The following KDM5B variants were observed in gnomAD, a reference collection of about 807,000 sequenced individuals.
The protein encoded by KDM5B is lysine-specific demethylase 5B.
Under a neutral mutation model 193.4 loss-of-function variants are expected in KDM5B, and 144 were observed. The ratio of observed to expected loss-of-function variants is 0.74; its 90% confidence interval spans 0.65 to 0.86. The LOEUF is 0.86. KDM5B is among the 40% of genes least tolerant of loss of function. The pLI is 0.00. For missense variants in KDM5B, 1,833 were observed against 1,886.9 expected (o/e 0.97, Z 0.53); for synonymous variants, 668 against 682.6 (o/e 0.98, Z 0.33).
rs540493371 is a variant in KDM5B at position 202,781,123 on chromosome 1, C to CTCTA, written c.205-4033_205-4030dup. On this transcript the variant is annotated intron_variant, in intron 1 of 26. Transcript: ENST00000367265. ...TTGAAGCTAGCAGTTTGAGACCAGT[C>CTCTA]TCTATCCGTCTCTACCAAAAAATGT... Among the ~76,000 whole-genome samples, 32 of 152,234 alleles carry CTCTA rather than the reference C, an allele frequency of 2.1e-4. No homozygotes were observed. In the East Asian group the frequency reaches 6.0e-3, roughly 29 times the overall value.
rs1435791020 is a variant in KDM5B, at chr1:202,747,541, G to C, written c.2017-1218C>G. On this transcript the variant is annotated intron_variant, in intron 14 of 26. Transcript: ENST00000367265. ...TGGGCTGCAGAGAGCCAATATTCCA[G>C]GATTCTACCCAAAAAGGCACATATT... 3.4e-5 allele frequency among the ~76,000 whole-genome samples: 5 copies of C among 146,212 alleles called. No individual in the cohort carries two copies. The East Asian group carries it at 6.0e-4, about 18-fold the overall frequency.
chr1:202,798,220 G>A (rs564143296), intron 1 of KDM5B, among the ~76,000 whole-genome samples: 110 of 151,654 alleles, frequency 7.3e-4, no homozygotes, highest in African/African-American at 2.6e-3. Flanking sequence ...AAGATTCAGG[G>A]ACAGAAAAGC....
intron 2 of KDM5B, among the ~76,000 whole-genome samples, chr1:202,775,885 TA>T (rs1656934621): frequency 2.0e-5 from 2 of 98,200 alleles, no homozygotes; most frequent in African/African-American, 4.0e-5. Context: ...AAAAAATATA[TA>T]TATATATATA....
intron 4 of KDM5B, among the ~76,000 whole-genome samples, chr1:202,768,686 A>G (rs573298228): frequency 6.6e-6 from 1 of 150,540 alleles, no homozygotes; most frequent in Admixed American, 6.6e-5. Flanking sequence ...TTAAACCTAC[A>G]TATTGATTTG....
chr1:202,759,754 C>T (rs749675385), intron 8 of KDM5B, among the ~76,000 whole-genome samples: 7 of 152,080 alleles, frequency 4.6e-5, no homozygotes, highest in Non-Finnish European at 1.0e-4. Context: ...GATGAATATA[C>T]ACCAAGACAT....
intron 1 of KDM5B, among the ~76,000 whole-genome samples, chr1:202,799,711 TAC>T (rs1558521527): frequency 6.6e-6 from 1 of 151,646 alleles, no homozygotes; most frequent in Non-Finnish European, 1.5e-5. Flanking sequence ...AATAAAAATA[TAC>T]ATACACACAG....
At chr1:202,748,637 G>A (rs1368329499) in intron 14 of KDM5B, among the ~76,000 whole-genome samples, 3 of 152,190 alleles carry the variant, frequency 2.0e-5, no homozygotes, top group Non-Finnish European at 4.4e-5. Flanking sequence ...GGGAGGTTGA[G>A]TTGGGTGGAT....
intron 18 of KDM5B, 45 bp from the exon 19 acceptor site, chr1:202,741,767 G>A (rs764020210): frequency 1.8e-6 from 2 of 1,101,798 alleles, no homozygotes; most frequent in East Asian, 2.4e-5. Flanking sequence ...AGTAATTTCA[G>A]TAATTGGCTT....
rs374062661 is a variant in KDM5B at position 202,777,071 on chromosome 1, A to G, written c.228T>C (p.Cys76=). ...PPPDWQPPFA[C]DVDKLHFTPR... ...GCGTAAAATGAAGTTTATCAACATC[A>G]CATGCAAATGGTGGCTGCCAATCCT... Residue 76 remains cysteine, a synonymous_variant, in exon 2 of 27, where the codon TGT becomes TGC. Transcript: ENST00000367265. 3 of 1,613,562 alleles carry G rather than the reference A, an allele frequency of 1.9e-6. No individual in the cohort carries two copies. Among genetic ancestry groups the G allele is most frequent in the African/African-American group, 2.7e-5 (2 of 75,040 alleles).
In KDM5B at chr1:202,757,211, C is replaced by T. The variant is rs186761520; in HGVS notation, c.1198-695G>A. Among the ~76,000 whole-genome samples, 203 of 152,250 alleles carry T rather than the reference C, an allele frequency of 1.3e-3. 2 individuals carry two copies. Among genetic ancestry groups the T allele is most frequent in the African/African-American group, 3.9e-3 (160 of 41,548 alleles). ...TAATGCAGCCACTGATCTGACAGGA[C>T]GCAGAGCTCGGGTGTAATGTTTGCC... On this transcript the variant is annotated intron_variant, in intron 9 of 26. Coordinates refer to ENST00000367265, the MANE Select transcript of KDM5B (RefSeq NM_006618.5).
rs575557125 is a variant in KDM5B at position 202,808,355 on chromosome 1, C to A, written c.-50G>T. 3.5e-5 allele frequency: 52 copies of A among 1,480,724 alleles called. 1 individual carries two copies. In the South Asian group the frequency reaches 6.6e-4, roughly 19 times the overall value. 91.7% of individuals were successfully genotyped at this position (1,480,724 alleles called of 1,614,324 possible). A position where few individuals can be genotyped will look rare whatever the true frequency, so the allele number is the denominator to read the frequency against. On this transcript the variant is annotated 5_prime_UTR_variant, in exon 1 of 27. Transcript: ENST00000367265. ...GCGAAGGTGGGCTCCGGGACCGAGG[C>A]TGCGAGCTCCGCTCGGTCCGAGACC...
At chr1:202,792,612 C>T (rs530010233) in intron 1 of KDM5B, among the ~76,000 whole-genome samples, 1 of 152,176 alleles carries the variant, frequency 6.6e-6, no homozygotes, top group Middle Eastern at 3.4e-3. Context: ...CTAAATGGTA[C>T]TTTGATAACT....
intron 1 of KDM5B, among the ~76,000 whole-genome samples, chr1:202,790,727 AAAT>A (rs1379346671): frequency 2.0e-5 from 3 of 151,752 alleles, no homozygotes; most frequent in Non-Finnish European, 4.4e-5. Flanking sequence ...CTCAAAGAAA[AAAT>A]AATAATAAAT....
intron 1 of KDM5B, among the ~76,000 whole-genome samples, chr1:202,783,245 G>T (rs1657270074): frequency 6.6e-6 from 1 of 152,102 alleles, no homozygotes; most frequent in Non-Finnish European, 1.5e-5. Context: ...TCCAGCCTGG[G>T]TGACAGAGCA....
Position 202,780,788 on chromosome 1 carries a change from TA to T in KDM5B, c.205-3695del, listed in dbSNP as rs11412721. Among the ~76,000 whole-genome samples the T allele has an allele frequency of 6.0e-3, 772 of 129,226 alleles. 2 individuals are homozygous for T. Among genetic ancestry groups the T allele is most frequent in the African/African-American group, 0.015 (486 of 32,760 alleles). 84.8% of individuals were successfully genotyped at this position (129,226 alleles called of 152,430 possible). A position where few individuals can be genotyped will look rare whatever the true frequency, so the allele number is the denominator to read the frequency against. On this transcript the variant is annotated intron_variant, in intron 1 of 26. Coordinates refer to ENST00000367265, the MANE Select transcript of KDM5B (RefSeq NM_006618.5). ...ATGTAATTGCAGCTTTTGCCATTAC[TA>T]AAAAAAAAAAAAAAAAATACATATA...
chr1:202,753,718 G>A (rs1376701958), intron 11 of KDM5B, among the ~76,000 whole-genome samples: 6 of 131,404 alleles, frequency 4.6e-5, no homozygotes, highest in African/African-American at 1.7e-4. Context: ...TGTCCATGCT[G>A]AAGTGCAATG....
In KDM5B at chr1:202,808,398, A is replaced by C; in HGVS notation, c.-93T>G. On this transcript the variant is annotated 5_prime_UTR_variant, in exon 1 of 27. Transcript: ENST00000367265. ...CCGAGACCCGTGCAGACGCGGCTCG[A>C]GCAACAGCAAGTCCGAGTTGTACGG... 1 of 1,165,318 alleles carries C rather than the reference A, an allele frequency of 8.6e-7. No individual in the cohort carries two copies. Among genetic ancestry groups the C allele is most frequent in the Non-Finnish European group, 1.2e-6 (1 of 849,934 alleles). 72.2% of individuals were successfully genotyped at this position (1,165,318 alleles called of 1,614,324 possible). A position where few individuals can be genotyped will look rare whatever the true frequency, so the allele number is the denominator to read the frequency against.
Position 202,730,605 on chromosome 1 carries a change from T to C in KDM5B, c.4176+304A>G, listed in dbSNP as rs117909178. On this transcript the variant is annotated intron_variant, in intron 25 of 26. Coordinates refer to ENST00000367265, the MANE Select transcript of KDM5B (RefSeq NM_006618.5). ...GCCCTCATGCTATCTTTAGTGAAGT[T>C]CTTCCCTAATTTGGCTTCAGGCTTC... is the stretch of plus-strand genomic sequence containing the variant. Among the ~76,000 whole-genome samples, 244 of 152,332 alleles carry C rather than the reference T, an allele frequency of 1.6e-3. 4 individuals carry two copies. The East Asian group carries it at 0.039, about 24-fold the overall frequency.
chr1:202,756,380 AT>A lies in KDM5B; in HGVS notation c.1333del (p.Ile445SerfsTer17). On this transcript the variant is annotated frameshift_variant, in exon 10 of 27. Transcript: ENST00000367265. LOFTEE classifies it high-confidence loss of function. ...TACCTCTTCCTCAGGTGAGAGTTTGATTTTCCCATCTCGGACAGGAAAGCCA... is the reference window on the plus strand; with the variant it reads ...TACCTCTTCCTCAGGTGAGAGTTTGATTTCCCATCTCGGACAGGAAAGCCA... ...GSGFPVRDGK[I>X]KLSPEEEEYL... 6.2e-7 allele frequency: 1 copy of A among 1,611,296 alleles called. No individual in the cohort carries two copies. The highest frequency in any genetic ancestry group is 8.5e-7 in the Non-Finnish European group (1 of 1,178,890).
Sources: gnomAD v4.1 joint callset for allele counts (sites outside exome capture counted in the v4.1 genomes callset) on GRCh38, gnomAD v4.1.1 for gene constraint, MANE v1.5 for transcripts, NCBI Gene and HGNC (gene_info 2026-07-23, HGNC 2026-07-21) for gene names.